The following TBL1XR1 variants were observed in gnomAD, a reference collection of about 807,000 sequenced individuals.
TBL1XR1 encodes the protein TBL1X/Y related 1.
Under a neutral mutation model 66.9 loss-of-function variants are expected in TBL1XR1, and 5 were observed. The ratio of observed to expected loss-of-function variants is 0.07; its 90% CI spans 0.04 to 0.16. TBL1XR1 has a LOEUF of 0.16. Ranked by LOEUF, TBL1XR1 falls within the 10% of genes least tolerant of loss-of-function variation. TBL1XR1 has a pLI of 1.00. For missense variants in TBL1XR1, 238 were observed against 623.2 expected (o/e 0.38, Z 6.58); for synonymous variants, 210 against 206.0 (o/e 1.02, Z -0.17).
chr3:177,104,329 CAG>C (rs1211608542), intron 1 of TBL1XR1, among the ~76,000 whole-genome samples: 1 of 152,030 alleles, frequency 6.6e-6, no homozygotes, highest in Non-Finnish European at 1.5e-5. Context: ...ATTTGTAAAT[CAG>C]AGTTTCAACT....
chr3:177,172,649 A>AGAGAG (rs1560260437), intron 1 of TBL1XR1, among the ~76,000 whole-genome samples: 1 of 48,638 alleles, frequency 2.1e-5, no homozygotes, highest in Non-Finnish European at 5.7e-5. Context: ...GAGAGAGAGA[A>AGAGAG]AGAGAGAGAG....
At chr3:177,083,170 G>C (rs1577110521) in intron 2 of TBL1XR1, among the ~76,000 whole-genome samples, 1 of 151,954 alleles carries the variant, frequency 6.6e-6, no homozygotes, top group Non-Finnish European at 1.5e-5. Context: ...TCAATTAAGA[G>C]AGTGGAAACA....
chr3:177,043,517 TA>T, intron 10 of TBL1XR1, among the ~76,000 whole-genome samples: 1 of 152,308 alleles, frequency 6.6e-6, no homozygotes, highest in South Asian at 2.1e-4. Flanking sequence ...TTGAAATGTA[TA>T]AATGTACACT....
chr3:177,034,495 T>C (rs1318383435), intron 12 of TBL1XR1, among the ~76,000 whole-genome samples, 170 bp from the exon 13 acceptor site: 2 of 150,126 alleles, frequency 1.3e-5, no homozygotes, highest in Admixed American at 6.7e-5. Flanking sequence ...ATATATTTAA[T>C]ATTTACATCT....
At position 177,135,305 on chromosome 3, in the gene TBL1XR1, C is replaced by CTCTG. The variant is rs371662338; in HGVS notation, c.-121-36768_-121-36765dup. Among the ~76,000 whole-genome samples the CTCTG allele has an allele frequency of 4.3e-3, 76 of 17,600 alleles. 2 individuals carry two copies. Among genetic ancestry groups the CTCTG allele is most frequent in the African/African-American group, 0.013 (59 of 4,400 alleles). The allele number at this position is 17,600 out of a possible 152,430, so 11.5% of individuals were successfully genotyped here. On this transcript the variant is annotated intron_variant, in intron 1 of 15. Coordinates refer to ENST00000457928, the MANE Select transcript of TBL1XR1 (RefSeq NM_024665.7). ...GTGTGAGCCACCGCACAAGGCCGCA[C>CTCTG]TCTGTGTGTGTGTGTGTGTGTGTGT...
At chr3:177,154,837 A>C (rs1225307415) in intron 1 of TBL1XR1, among the ~76,000 whole-genome samples, 2 of 152,260 alleles carry the variant, frequency 1.3e-5, no homozygotes, top group African/African-American at 4.8e-5. Flanking sequence ...ACATCCGATA[A>C]AAATAATACA....
intron 1 of TBL1XR1, chr3:177,136,212 G>A (rs1199663456): frequency 2.0e-5 from 3 of 152,132 alleles, no homozygotes; most frequent in Non-Finnish European, 2.9e-5. Flanking sequence ...GGCAGAGATA[G>A]GTACCTGTGA....
At chr3:177,138,069 C>G (rs1462568473) in intron 1 of TBL1XR1, among the ~76,000 whole-genome samples, 2 of 152,142 alleles carry the variant, frequency 1.3e-5, no homozygotes, top group African/African-American at 4.8e-5. Context: ...GTAAAACAGA[C>G]TGACAAAAAA....
chr3:177,059,438 C>A (rs942826129), intron 3 of TBL1XR1, among the ~76,000 whole-genome samples: 2 of 152,118 alleles, frequency 1.3e-5, no homozygotes, highest in Admixed American at 6.5e-5. Flanking sequence ...TTAGTTTGTG[C>A]CTACTGTGAT....
At chr3:177,190,196 T>C (rs7631861) in intron 1 of TBL1XR1, among the ~76,000 whole-genome samples, 4,893 of 143,494 alleles carry the variant, frequency 0.034, 211 homozygotes, top group African/African-American at 0.1. Flanking sequence ...TATACCTAAC[T>C]ACCTGACACA....
chr3:177,174,845 G>C (rs1282417642), intron 1 of TBL1XR1, among the ~76,000 whole-genome samples: 1 of 152,090 alleles, frequency 6.6e-6, no homozygotes, highest in African/African-American at 2.4e-5. Flanking sequence ...ACATAATCCT[G>C]CCGTTCCGTT....
intron 2 of TBL1XR1, 110 bp from the exon 3 acceptor site, chr3:177,065,132 C>T: frequency 3.2e-6 from 2 of 619,566 alleles, no homozygotes; most frequent in Middle Eastern, 4.7e-4. Flanking sequence ...AACGAAGGTT[C>T]TACATTGCCT....
chr3:177,143,290 G>C (rs935328844), intron 1 of TBL1XR1, among the ~76,000 whole-genome samples: 13 of 151,884 alleles, frequency 8.6e-5, no homozygotes, highest in Non-Finnish European at 1.8e-4. Flanking sequence ...ATTCCCGTAG[G>C]AGCGATGCTC....
chr3:177,196,971 A>G (rs1736944912), intron 1 of TBL1XR1, 150 bp downstream of exon 1: 1 of 151,760 alleles, frequency 6.6e-6, no homozygotes, highest in Non-Finnish European at 1.5e-5. Flanking sequence ...CCCCCACGCA[A>G]GCCCAGTTCC....
intron 10 of TBL1XR1, among the ~76,000 whole-genome samples, chr3:177,043,506 C>T (rs1340790796): frequency 6.6e-6 from 1 of 152,052 alleles, no homozygotes; most frequent in African/African-American, 2.4e-5. Context: ...TACTTATACA[C>T]TTGAAATGTA....
chr3:177,200,868 G>A (rs533549825), upstream of TBL1XR1, among the ~76,000 whole-genome samples: 10 of 151,816 alleles, frequency 6.6e-5, no homozygotes, highest in African/African-American at 1.5e-4. Context: ...TTAGTCGGGC[G>A]TGGTGGCGGG....
Position 177,022,974 on chromosome 3 carries a change from T to C in TBL1XR1, c.*2524A>G, listed in dbSNP as rs1712581175. 6.6e-6 allele frequency: 1 copy of C among 152,082 alleles called. No individual in the cohort carries two copies. Among genetic ancestry groups the C allele is most frequent in the South Asian group, 2.1e-4 (1 of 4,828 alleles). The allele number at this position is 152,082 out of a possible 1,614,324, so 9.4% of individuals were successfully genotyped here. On this transcript the variant is annotated 3_prime_UTR_variant, in exon 16 of 16. Transcript: ENST00000457928. ...AAAGCTCTGTATTTATAATCTTTTA[T>C]ATGTCCTATTGTGGCTATTATGCTT...
At chr3:177,137,549 A>G (rs925112211) in intron 1 of TBL1XR1, among the ~76,000 whole-genome samples, 16 of 152,240 alleles carry the variant, frequency 1.1e-4, no homozygotes, top group African/African-American at 3.9e-4. Context: ...ATTTTTTAAG[A>G]AGAGAGGCAT....
chr3:177,063,333 C>CT (rs937749811), intron 3 of TBL1XR1, among the ~76,000 whole-genome samples: 6 of 152,284 alleles, frequency 3.9e-5, no homozygotes, highest in Admixed American at 1.3e-4. Flanking sequence ...TCAACTGTTT[C>CT]TAACTTCCAA....
Sources: gnomAD v4.1 joint callset for allele counts (sites outside exome capture counted in the v4.1 genomes callset) on GRCh38, gnomAD v4.1.1 for gene constraint, MANE v1.5 for transcripts, NCBI Gene and HGNC (gene_info 2026-07-23, HGNC 2026-07-21) for gene names.